The following ERBB4 variants were observed in gnomAD, a reference collection of about 807,000 sequenced individuals.
ERBB4 encodes erb-b2 receptor tyrosine kinase 4, also known as receptor tyrosine-protein kinase erbB-4.
A neutral mutation model predicts 158.0 loss-of-function variants in ERBB4; 42 were observed. That is an observed-to-expected ratio of 0.27 (90% CI 0.21 to 0.34). The LOEUF (loss-of-function observed/expected upper bound fraction) is 0.34. Among genes scored for constraint, ERBB4 ranks in the 10% least tolerant of loss-of-function variants. The probability of loss-of-function intolerance (pLI) is 1.00; values close to 1 mark genes in which losing one functional copy is unlikely to be tolerated. For synonymous variants in ERBB4, 583 were observed against 558.7 expected (o/e 1.04, Z -0.61); for missense variants, 1,333 against 1,624.1 (o/e 0.82, Z 3.08).
intron 1 of ERBB4, among the ~76,000 whole-genome samples, chr2:212,471,805 T>C (rs1486697697): frequency 1.3e-5 from 2 of 151,988 alleles, no homozygotes; most frequent in East Asian, 3.9e-4. Context: ...TATAGTATAT[T>C]TAATAATAAT....
intron 5 of ERBB4, among the ~76,000 whole-genome samples, chr2:211,732,379 T>A: frequency 6.6e-6 from 1 of 151,396 alleles, no homozygotes. Context: ...AAATTAGACC[T>A]AGCAAAATGG....
At chr2:211,625,366 T>C (rs906003447) in intron 17 of ERBB4, among the ~76,000 whole-genome samples, 6 of 152,124 alleles carry the variant, frequency 3.9e-5, no homozygotes, top group African/African-American at 1.4e-4. Context: ...GGGTATGAAT[T>C]ACCATGCTTC....
At chr2:212,171,292 T>C (rs530416404) in intron 1 of ERBB4, among the ~76,000 whole-genome samples, 4 of 151,696 alleles carry the variant, frequency 2.6e-5, no homozygotes, top group East Asian at 1.9e-4. Context: ...CCAATGCCCA[T>C]ACCCCCATTG....
intron 12 of ERBB4, among the ~76,000 whole-genome samples, chr2:211,698,237 G>A (rs1336202551): frequency 6.6e-6 from 1 of 151,554 alleles, no homozygotes; most frequent in Non-Finnish European, 1.5e-5. Flanking sequence ...GCTTGAACCA[G>A]GGAGGCAGAG....
At chr2:211,444,108 T>G (rs7605095) in intron 20 of ERBB4, among the ~76,000 whole-genome samples, 33,099 of 150,092 alleles carry the variant, frequency 0.22, 3,628 homozygotes, top group South Asian at 0.25. Context: ...GTTTGTGGGG[T>G]TTTTTTTGTA....
intron 2 of ERBB4, among the ~76,000 whole-genome samples, chr2:212,099,173 AAATAAATAAAT>A (rs1056689068): frequency 1.2e-4 from 18 of 148,056 alleles, no homozygotes; most frequent in South Asian, 2.1e-4. Flanking sequence ...ATAAATAAAT[AAATAAATAAAT>A]AATAAATAAT....
At chr2:211,427,027 A>G (rs1003739510) in intron 22 of ERBB4, among the ~76,000 whole-genome samples, 2 of 152,102 alleles carry the variant, frequency 1.3e-5, no homozygotes, top group African/African-American at 2.4e-5. Flanking sequence ...CAGACACACG[A>G]CATTTTCTAT....
chr2:211,965,079 T>TTACC (rs1251975840), intron 2 of ERBB4, among the ~76,000 whole-genome samples: 2 of 152,188 alleles, frequency 1.3e-5, no homozygotes, highest in Non-Finnish European at 2.9e-5. Context: ...TGATACATGA[T>TTACC]TACCTAATTT....
chr2:211,912,551 AT>A (rs1229420028), intron 3 of ERBB4, among the ~76,000 whole-genome samples: 1 of 152,204 alleles, frequency 6.6e-6, no homozygotes, highest in Non-Finnish European at 1.5e-5. Context: ...CTAGGAAAAC[AT>A]TTTGAAATGA....
chr2:211,874,944 A>G (rs532742444), intron 3 of ERBB4, among the ~76,000 whole-genome samples: 2 of 151,344 alleles, frequency 1.3e-5, no homozygotes, highest in South Asian at 2.1e-4. Context: ...TGTCAAAGAC[A>G]CACAATATGT....
At chr2:211,956,642 TA>T (rs2081043004) in intron 2 of ERBB4, among the ~76,000 whole-genome samples, 1 of 152,076 alleles carries the variant, frequency 6.6e-6, no homozygotes, top group Admixed American at 6.6e-5. Flanking sequence ...ATATTATAAT[TA>T]GTGCAATTAT....
intron 2 of ERBB4, among the ~76,000 whole-genome samples, chr2:211,956,889 C>T (rs970573955): frequency 2.6e-5 from 4 of 152,014 alleles, no homozygotes; most frequent in African/African-American, 4.8e-5. Flanking sequence ...GGCTGGAGCG[C>T]AGTGGTGTGA....
At chr2:212,290,367 T>C (rs1002744193) in intron 1 of ERBB4, among the ~76,000 whole-genome samples, 1 of 152,180 alleles carries the variant, frequency 6.6e-6, no homozygotes, top group Non-Finnish European at 1.5e-5. Context: ...GTGATATATA[T>C]ATGAAGTAGT....
chr2:211,615,148 A>G (rs1320068713), intron 19 of ERBB4, among the ~76,000 whole-genome samples: 6 of 152,184 alleles, frequency 3.9e-5, no homozygotes, highest in Admixed American at 6.6e-5. Context: ...CAAGTAATTT[A>G]GATAAAACAT....
At chr2:212,002,024 C>A (rs1050543804) in intron 2 of ERBB4, among the ~76,000 whole-genome samples, 1 of 152,102 alleles carries the variant, frequency 6.6e-6, no homozygotes, top group African/African-American at 2.4e-5. Flanking sequence ...AATAAATGCA[C>A]ATATTTGAAT....
intron 2 of ERBB4, among the ~76,000 whole-genome samples, chr2:211,996,493 T>C (rs958353997): frequency 5.3e-5 from 8 of 152,124 alleles, no homozygotes. Flanking sequence ...AAGGGAGATA[T>C]TACCATAACA....
chr2:211,483,840 C>T (rs67391867), intron 20 of ERBB4, among the ~76,000 whole-genome samples: 37,739 of 151,874 alleles, frequency 0.25, 5,393 homozygotes, highest in African/African-American at 0.39. Context: ...CATGAACCAC[C>T]GTGCCCGGCC....
chr2:211,834,134 G>A (rs766128610), intron 3 of ERBB4, among the ~76,000 whole-genome samples: 12 of 152,004 alleles, frequency 7.9e-5, no homozygotes, highest in East Asian at 1.9e-4. Flanking sequence ...TTTATGATAC[G>A]ACAAAGGAGT....
rs1319034205 is a variant in ERBB4 at position 211,499,415 on chromosome 2, C to T, written c.2487+62488G>A. 3.3e-5 allele frequency among the ~76,000 whole-genome samples: 5 copies of T among 151,822 alleles called. 1 individual carries two copies. The South Asian group carries it at 6.3e-4, about 19-fold the overall frequency. On this transcript the variant is annotated intron_variant, in intron 20 of 27. Transcript: ENST00000342788. Reference sequence around the variant, plus strand: ...GTGTGTGCCTGTCGTTCCAGCTACTCGAGAGGCTGAGGCAGGGGAATTGTT... The same window carrying T: ...GTGTGTGCCTGTCGTTCCAGCTACTTGAGAGGCTGAGGCAGGGGAATTGTT...
Sources: allele counts gnomAD v4.1 joint callset (sites outside exome capture counted in the v4.1 genomes callset), GRCh38; gene constraint gnomAD v4.1.1; transcripts MANE v1.5; gene names NCBI Gene and HGNC (gene_info 2026-07-23, HGNC 2026-07-21).